ZNF438: variants seen among roughly 807,000 people sequenced by gnomAD.
ZNF438 encodes the protein zinc finger protein 438.
In ZNF438, 25 loss-of-function variants were observed where a neutral mutation model predicts 38.0. The ratio of observed to expected loss-of-function variants is 0.66; its 90% CI spans 0.48 to 0.92. ZNF438 has a LOEUF of 0.92. Ranked by LOEUF, ZNF438 falls within the 40% of genes least tolerant of loss-of-function variation. The pLI is 0.00. For synonymous variants in ZNF438, 372 were observed against 364.1 expected, an observed-to-expected ratio of 1.02 and a Z score of -0.25; for missense variants, 1,007 against 999.6, an observed-to-expected ratio of 1.01 and a Z score of -0.10.
At chr10:30,947,722 T>C (rs2047600848) in intron 1 of ZNF438, among the ~76,000 whole-genome samples, 1 of 152,216 alleles carries the variant, frequency 6.6e-6, no homozygotes, top group Admixed American at 6.5e-5. Context: ...GGATATAATC[T>C]CGTGGTGCAC....
intron 1 of ZNF438, among the ~76,000 whole-genome samples, chr10:30,973,247 C>G (rs1053723806): frequency 2.0e-5 from 3 of 152,196 alleles, no homozygotes; most frequent in Admixed American, 6.5e-5. Context: ...ATGTACCTGG[C>G]ACTCTAGTTA....
intron 1 of ZNF438, among the ~76,000 whole-genome samples, chr10:30,985,241 G>A (rs2136543486): frequency 6.6e-6 from 1 of 152,314 alleles, no homozygotes; most frequent in South Asian, 2.1e-4. Context: ...AATGAAGGTA[G>A]AAGAAATACT....
intron 4 of ZNF438, among the ~76,000 whole-genome samples, chr10:30,859,508 G>A (rs188857831): frequency 3.6e-4 from 55 of 152,328 alleles, no homozygotes; most frequent in African/African-American, 1.2e-3. Context: ...GTTATGGCCA[G>A]CATCTGATCT....
At chr10:30,874,159 T>C (rs1227860709) in intron 4 of ZNF438, among the ~76,000 whole-genome samples, 1 of 102,414 alleles carries the variant, frequency 9.8e-6, no homozygotes, top group East Asian at 2.8e-4. Flanking sequence ...TATATATATA[T>C]ATATTTAGAG....
chr10:30,959,052 A>G (rs535435406), intron 1 of ZNF438, among the ~76,000 whole-genome samples: 2 of 147,472 alleles, frequency 1.4e-5, no homozygotes, highest in Admixed American at 6.8e-5. Flanking sequence ...TTGTGTGAAC[A>G]TATGTTTTCA....
At chr10:31,013,149 G>A (rs922405532) in intron 1 of ZNF438, among the ~76,000 whole-genome samples, 1 of 151,888 alleles carries the variant, frequency 6.6e-6, no homozygotes, top group African/African-American at 2.4e-5. Context: ...GAAACCCCGT[G>A]TCTACTAAAA....
intron 1 of ZNF438, among the ~76,000 whole-genome samples, chr10:31,012,205 G>A (rs1300592595): frequency 6.6e-6 from 1 of 150,398 alleles, no homozygotes; most frequent in Non-Finnish European, 1.5e-5. Context: ...TCCACTGCAA[G>A]CTCCACCTCC....
At chr10:31,010,892 GAAAA>G (rs563189482) in intron 1 of ZNF438, among the ~76,000 whole-genome samples, 75 of 92,564 alleles carry the variant, frequency 8.1e-4, no homozygotes, top group African/African-American at 3.4e-3. Flanking sequence ...GACCCTGTTT[GAAAA>G]AAAAAAAAAA....
intron 1 of ZNF438, among the ~76,000 whole-genome samples, chr10:30,944,760 G>A (rs910977522): frequency 7.2e-4 from 109 of 152,268 alleles, no homozygotes; most frequent in Admixed American, 2.5e-3. Context: ...GAACAAGAAC[G>A]TTAGTGCAGT....
intron 2 of ZNF438, among the ~76,000 whole-genome samples, chr10:30,924,390 T>C (rs919707182): frequency 6.6e-6 from 1 of 152,152 alleles, no homozygotes; most frequent in Non-Finnish European, 1.5e-5. Flanking sequence ...AAATAGGAAC[T>C]CTAGAGAGGC....
chr10:30,953,915 G>A (rs757748352), intron 1 of ZNF438, among the ~76,000 whole-genome samples: 5 of 152,150 alleles, frequency 3.3e-5, no homozygotes, highest in South Asian at 2.1e-4. Flanking sequence ...AGGCCAATGC[G>A]GATGGATCAT....
intron 1 of ZNF438, among the ~76,000 whole-genome samples, chr10:30,971,001 A>G (rs1300429257): frequency 6.6e-6 from 1 of 152,232 alleles, no homozygotes; most frequent in Non-Finnish European, 1.5e-5. Context: ...GACTTGGTAA[A>G]GGCCAACTGC....
chr10:30,937,405 T>A (rs2046366886), intron 2 of ZNF438, among the ~76,000 whole-genome samples: 1 of 152,250 alleles, frequency 6.6e-6, no homozygotes, highest in Non-Finnish European at 1.5e-5. Context: ...ATACATGTGA[T>A]TCTGGCTCTT....
At chr10:30,874,557 ATGAG>A (rs1304304302) in intron 4 of ZNF438, among the ~76,000 whole-genome samples, 1 of 152,160 alleles carries the variant, frequency 6.6e-6, no homozygotes, top group Non-Finnish European at 1.5e-5. Flanking sequence ...GAATGAATGA[ATGAG>A]TAAATTAATG....
chr10:30,886,805 T>G (rs1015105907), intron 3 of ZNF438, among the ~76,000 whole-genome samples: 7 of 152,200 alleles, frequency 4.6e-5, no homozygotes, highest in Admixed American at 2.6e-4. Flanking sequence ...CATTAACTTT[T>G]TTTGTTTTTT....
intron 3 of ZNF438, among the ~76,000 whole-genome samples, chr10:30,902,927 C>T (rs566971612): frequency 5.9e-5 from 9 of 152,212 alleles, no homozygotes; most frequent in Non-Finnish European, 8.8e-5. Context: ...TCAGGCATGT[C>T]GGGCTGCAGG....
intron 1 of ZNF438, among the ~76,000 whole-genome samples, chr10:31,024,607 G>C (rs894141232): frequency 1.3e-5 from 2 of 151,622 alleles, no homozygotes; most frequent in African/African-American, 2.4e-5. Context: ...CAGCCTGAGC[G>C]ACAGAGCGAG....
chr10:30,997,162 C>T (rs961383517), intron 1 of ZNF438, among the ~76,000 whole-genome samples: 22 of 151,972 alleles, frequency 1.4e-4, no homozygotes, highest in Non-Finnish European at 2.1e-4. Flanking sequence ...GCAAACTAAA[C>T]CTAAGCAAGC....
intron 2 of ZNF438, among the ~76,000 whole-genome samples, chr10:30,938,988 G>T (rs1374531199): frequency 6.6e-6 from 1 of 151,906 alleles, no homozygotes; most frequent in East Asian, 1.9e-4. Context: ...TAGAGACGGG[G>T]TTTCACCGTG....
Sources: allele counts gnomAD v4.1 joint callset (sites outside exome capture counted in the v4.1 genomes callset), GRCh38; gene constraint gnomAD v4.1.1; transcripts MANE v1.5; gene names NCBI Gene and HGNC (gene_info 2026-07-23, HGNC 2026-07-21).